The following HECW2 variants were observed in gnomAD, a reference collection of about 807,000 sequenced individuals.
HECW2 encodes the protein E3 ubiquitin-protein ligase HECW2.
Under a neutral mutation model 175.2 loss-of-function variants are expected in HECW2, and 61 were observed. The observed-to-expected ratio is 0.35, with a 90% CI of 0.28 to 0.43. The LOEUF (loss-of-function observed/expected upper bound fraction) is 0.43. Among genes scored for constraint, HECW2 ranks in the 20% least tolerant of loss-of-function variants. The probability of loss-of-function intolerance (pLI) is 1.00; values close to 1 mark genes in which losing one functional copy is unlikely to be tolerated. For missense variants in HECW2, 1,524 were observed against 2,000.5 expected, an observed-to-expected ratio of 0.76 and a Z score of 4.54; for synonymous variants, 671 against 731.0, an observed-to-expected ratio of 0.92 and a Z score of 1.32.
chr2:196,573,882 A>C (rs1400193427), intron 1 of HECW2, among the ~76,000 whole-genome samples: 1 of 152,036 alleles, frequency 6.6e-6, no homozygotes, highest in East Asian at 1.9e-4. Flanking sequence ...AAAAAAAAAC[A>C]GTGAGAAATA....
chr2:196,577,281 A>G (rs551079185), intron 1 of HECW2, among the ~76,000 whole-genome samples: 2 of 152,176 alleles, frequency 1.3e-5, no homozygotes. Context: ...TGCTGTGCTT[A>G]AGTTTCTATT....
chr2:196,523,520 G>C (rs1187423770), intron 1 of HECW2, among the ~76,000 whole-genome samples: 1 of 149,042 alleles, frequency 6.7e-6, no homozygotes, highest in African/African-American at 2.5e-5. Flanking sequence ...ATGTTGAATA[G>C]GAGTGGTGAG....
At chr2:196,210,896 T>G (rs1194152039) in intron 28 of HECW2, among the ~76,000 whole-genome samples, 1 of 152,090 alleles carries the variant, frequency 6.6e-6, no homozygotes, top group Non-Finnish European at 1.5e-5. Context: ...AGTGCTGGGA[T>G]TTCAGGTGTG....
chr2:196,550,684 C>A (rs913438348), intron 1 of HECW2, among the ~76,000 whole-genome samples: 7 of 152,080 alleles, frequency 4.6e-5, no homozygotes, highest in Non-Finnish European at 8.8e-5. Flanking sequence ...ATCTTTATTG[C>A]CTTAAAAATA....
intron 17 of HECW2, among the ~76,000 whole-genome samples, chr2:196,265,895 C>T (rs1276257799): frequency 6.6e-6 from 1 of 152,134 alleles, no homozygotes; most frequent in Non-Finnish European, 1.5e-5. Context: ...CAAACCTAGG[C>T]CTTTCTGGCT....
At chr2:196,434,921 G>T (rs1301534034) in intron 1 of HECW2, among the ~76,000 whole-genome samples, 1 of 152,180 alleles carries the variant, frequency 6.6e-6, no homozygotes, top group African/African-American at 2.4e-5. Context: ...AACGACCTTG[G>T]CTACTGAGTC....
At chr2:196,279,005 C>T (rs1203393780) in intron 14 of HECW2, among the ~76,000 whole-genome samples, 1 of 152,012 alleles carries the variant, frequency 6.6e-6, no homozygotes, top group African/African-American at 2.4e-5. Context: ...CTCTTACTGT[C>T]ATATGTGGTT....
At chr2:196,432,752 G>A (rs1374978381) in intron 2 of HECW2, among the ~76,000 whole-genome samples, 2 of 152,126 alleles carry the variant, frequency 1.3e-5, no homozygotes, top group African/African-American at 2.4e-5. Flanking sequence ...AAATCTACAC[G>A]TCTCTTTCAT....
intron 23 of HECW2, among the ~76,000 whole-genome samples, chr2:196,224,727 G>A (rs752338517): frequency 1.3e-5 from 2 of 152,296 alleles, no homozygotes; most frequent in Non-Finnish European, 2.9e-5. Context: ...AGTGTGCTTA[G>A]GGTGTGAATT....
At chr2:196,463,934 C>T (rs1286196096) in intron 1 of HECW2, among the ~76,000 whole-genome samples, 1 of 152,130 alleles carries the variant, frequency 6.6e-6, no homozygotes, top group Admixed American at 6.5e-5. Context: ...AAAGTAAGTA[C>T]TATTTTGATC....
At chr2:196,394,800 G>A in intron 2 of HECW2, among the ~76,000 whole-genome samples, 1 of 152,202 alleles carries the variant, frequency 6.6e-6, no homozygotes, top group East Asian at 1.9e-4. Flanking sequence ...TTCCAGATGT[G>A]AAAGAATGAA....
intron 1 of HECW2, among the ~76,000 whole-genome samples, chr2:196,450,639 G>A (rs541427298): frequency 2.0e-5 from 3 of 152,022 alleles, no homozygotes; most frequent in East Asian, 1.9e-4. Context: ...GTGCCACCAC[G>A]CCTGGGTAAT....
chr2:196,291,713 C>G (rs941085957), intron 14 of HECW2: 1 of 152,170 alleles, frequency 6.6e-6, no homozygotes, highest in South Asian at 2.1e-4. Flanking sequence ...CACTGCCTGT[C>G]TCTGTGATGT....
At chr2:196,214,590 A>C (rs1687402854) in intron 28 of HECW2, among the ~76,000 whole-genome samples, 1 of 152,242 alleles carries the variant, frequency 6.6e-6, no homozygotes, top group Non-Finnish European at 1.5e-5. Flanking sequence ...TCAAATAATG[A>C]ATTCCCAGAT....
At chr2:196,305,276 T>C in intron 13 of HECW2, among the ~76,000 whole-genome samples, 1 of 152,264 alleles carries the variant, frequency 6.6e-6, no homozygotes, top group South Asian at 2.1e-4. Flanking sequence ...AACCCCTCTC[T>C]CATAATATAT....
chr2:196,397,120 A>G (rs1405729250), intron 2 of HECW2, among the ~76,000 whole-genome samples: 2 of 51,494 alleles, frequency 3.9e-5, no homozygotes, highest in Admixed American at 2.6e-4. Context: ...TCAACAAAAC[A>G]AAACAAAACA....
chr2:196,237,924 C>T (rs1688311660), intron 21 of HECW2, among the ~76,000 whole-genome samples: 1 of 152,180 alleles, frequency 6.6e-6, no homozygotes, highest in African/African-American at 2.4e-5. Context: ...TCAGCCATTT[C>T]TCTAAAAACC....
chr2:196,507,133 T>TATAC (rs1687785607), intron 1 of HECW2, among the ~76,000 whole-genome samples: 1 of 127,396 alleles, frequency 7.8e-6, no homozygotes, highest in South Asian at 2.5e-4. Context: ...ATGTGTATAT[T>TATAC]ACACACGTTA....
intron 1 of HECW2, among the ~76,000 whole-genome samples, chr2:196,527,471 G>C (rs1437801746): frequency 1.3e-5 from 2 of 152,184 alleles, no homozygotes; most frequent in African/African-American, 4.8e-5. Context: ...GTAGACCGGA[G>C]CTGTTTCTAT....
Sources: allele counts gnomAD v4.1 joint callset (sites outside exome capture counted in the v4.1 genomes callset), GRCh38; gene constraint gnomAD v4.1.1; transcripts MANE v1.5; gene names NCBI Gene and HGNC (gene_info 2026-07-23, HGNC 2026-07-21).